The following STAB2 variants were observed in gnomAD, a reference collection of about 807,000 sequenced individuals.
The protein encoded by STAB2 is stabilin 2.
STAB2 carries 288 observed loss-of-function variants against 338.1 expected under a neutral mutation model. The observed-to-expected ratio is 0.85, with a 90% CI of 0.77 to 0.94. The LOEUF (loss-of-function observed/expected upper bound fraction) is 0.94. Ranked by LOEUF, STAB2 falls within the 40% of genes least tolerant of loss-of-function variation. The probability of loss-of-function intolerance (pLI) is 0.00; values close to 1 mark genes in which losing one functional copy is unlikely to be tolerated. For missense variants in STAB2, 3,141 were observed against 3,210.1 expected (o/e 0.98, Z 0.52); for synonymous variants, 1,202 against 1,193.3 (o/e 1.01, Z -0.15).
Position 103,748,951 on chromosome 12 carries a change from C to T in STAB2, c.6245-12C>T. On this transcript the variant is annotated splice_polypyrimidine_tract_variant and intron_variant, in intron 58 of 68. Coordinates refer to ENST00000388887, the MANE Select transcript of STAB2 (RefSeq NM_017564.10). Reference sequence around the variant, plus strand: ...GGTGGTAAGTTGAGCCCTCTCTCCTCTGCTCTTGCAGTTGTGGATTTCTGC... The same window carrying T: ...GGTGGTAAGTTGAGCCCTCTCTCCTTTGCTCTTGCAGTTGTGGATTTCTGC... 2.5e-6 allele frequency: 4 copies of T among 1,609,776 alleles called. No homozygotes were observed. The highest frequency in any genetic ancestry group is 3.4e-6 in the Non-Finnish European group (4 of 1,177,350).
In STAB2 at chr12:103,735,831, CTTCCAGTTGA is replaced by C. The variant is rs562467869; in HGVS notation, c.5550+254_5550+263del. Among the ~76,000 whole-genome samples, 8 of 152,328 alleles carry C rather than the reference CTTCCAGTTGA, an allele frequency of 5.3e-5. No homozygotes were observed. The South Asian group carries it at 1.7e-3, about 32-fold the overall frequency. On this transcript the variant is annotated intron_variant, in intron 52 of 68. Transcript: ENST00000388887. ...AAGCCTCTTACACTGTGGAGAGCAG[CTTCCAGTTGA>C]TTTCATTTTTTGTGTAGAGCATTTT... is the stretch of plus-strand genomic sequence containing the variant.
chr12:103,761,173 C>A, intron 65 of STAB2, 127 bp from the exon 66 acceptor site: 1 of 762,664 alleles, frequency 1.3e-6, no homozygotes, highest in Non-Finnish European at 2.2e-6. Flanking sequence ...AAGTCCTGGG[C>A]TGCCTATCAG....
intron 53 of STAB2, 126 bp downstream of exon 53, chr12:103,737,906 C>A: frequency 1.6e-6 from 2 of 1,236,292 alleles, no homozygotes; most frequent in Non-Finnish European, 2.2e-6. Flanking sequence ...ACCCAGAAGA[C>A]CTGAGGGCCA....
chr12:103,735,719 C>T (rs1882065751), intron 52 of STAB2, 139 bp downstream of exon 52: 2 of 696,714 alleles, frequency 2.9e-6, no homozygotes, highest in African/African-American at 1.8e-5. Context: ...TCACTACCTT[C>T]AGAGGTATTT....
Position 103,637,869 on chromosome 12 carries a change from T to C in STAB2, c.710-147T>C, listed in dbSNP as rs1268232802. The C allele has an allele frequency of 3.7e-6, 3 of 814,242 alleles. No individual in the cohort carries two copies. The African/African-American group carries it at 5.2e-5, about 14-fold the overall frequency. The allele number at this position is 814,242 out of a possible 1,614,324, so 50.4% of individuals were successfully genotyped here. A position where few individuals can be genotyped will look rare whatever the true frequency, so the allele number is the denominator to read the frequency against. ...TTTCTGATGGCCATACATAAATCTG[T>C]CTGGTTCAGGGGGAAATGAAAGGAA... On this transcript the variant is annotated intron_variant, in intron 7 of 68. Coordinates refer to ENST00000388887, the MANE Select transcript of STAB2 (RefSeq NM_017564.10).
chr12:103,737,576 C>CTG, intron 52 of STAB2, 58 bp from the exon 53 acceptor site: 27 of 469,600 alleles, frequency 5.7e-5, no homozygotes, highest in South Asian at 2.2e-4. Flanking sequence ...TTGACTGTTT[C>CTG]TCTCTCTCTC....
At position 103,673,895 on chromosome 12, in the gene STAB2, CTCCTCTT is replaced by C; in HGVS notation, c.2372-9_2372-3del. 1 of 1,605,880 alleles carries C rather than the reference CTCCTCTT, an allele frequency of 6.2e-7. No individual in the cohort carries two copies. Among genetic ancestry groups the C allele is most frequent in the Admixed American group, 1.7e-5 (1 of 59,864 alleles). On this transcript the variant is annotated splice_region_variant and splice_polypyrimidine_tract_variant and intron_variant, in intron 22 of 68. Transcript: ENST00000388887. ...AAGGCCTGGACGGATGTCCCTCCTC[CTCCTCTT>C]TCAGAATGCCTGTGCGTTCACGGAA... is the stretch of plus-strand genomic sequence containing the variant.
At chr12:103,635,203 AGCAAAGGGCAG>A (rs1957524739) in intron 6 of STAB2, among the ~76,000 whole-genome samples, 2 of 152,316 alleles carry the variant, frequency 1.3e-5, no homozygotes, top group Non-Finnish European at 2.9e-5. Context: ...CTCCCTCAGG[AGCAAAGGGCAG>A]GCATGCTCAC....
At chr12:103,745,475 T>A (rs763262661) in intron 57 of STAB2, among the ~76,000 whole-genome samples, 198 bp downstream of exon 57, 11 of 152,200 alleles carry the variant, frequency 7.2e-5, no homozygotes, top group Non-Finnish European at 1.3e-4. Flanking sequence ...TGAAAAGATT[T>A]AACTCAAACC....
intron 5 of STAB2, among the ~76,000 whole-genome samples, chr12:103,625,489 T>G (rs1221676410): frequency 6.6e-6 from 1 of 152,172 alleles, no homozygotes; most frequent in Non-Finnish European, 1.5e-5. Context: ...TAGGTATATC[T>G]CCTAAAGCTA....
intron 1 of STAB2, 134 bp from the exon 2 acceptor site, chr12:103,590,763 A>G: frequency 9.5e-7 from 1 of 1,050,628 alleles, no homozygotes; most frequent in Admixed American, 2.2e-5. Context: ...GTCATTACCA[A>G]TCAACCTTAT....
intron 3 of STAB2, among the ~76,000 whole-genome samples, chr12:103,608,645 A>G (rs1294247440): frequency 6.6e-6 from 1 of 152,034 alleles, no homozygotes; most frequent in Non-Finnish European, 1.5e-5. Flanking sequence ...TTGCCTATTC[A>G]CTCTGACGGT....
chr12:103,654,310 T>C lies in STAB2; in HGVS notation c.1408-245T>C, dbSNP rs78021799. ...TGCTGGAGAAGAGCTTGATAATACC[T>C]TGCCCAGGTTTAGCATATATAGTTG... On this transcript the variant is annotated intron_variant, in intron 12 of 68. Transcript: ENST00000388887. Among the ~76,000 whole-genome samples the C allele has an allele frequency of 7.8e-3, 1,189 of 152,368 alleles. 18 individuals carry two copies. The highest frequency in any genetic ancestry group is 0.027 in the African/African-American group (1,116 of 41,580).
chr12:103,730,283 A>T (rs4981042), intron 49 of STAB2, 27 bp downstream of exon 49: 2 of 1,612,206 alleles, frequency 1.2e-6, no homozygotes, highest in Non-Finnish European at 1.7e-6. Context: ...TTATGTTTTC[A>T]GCCTGGAGTG....
At chr12:103,641,673 T>C (rs1243489070) in intron 9 of STAB2, among the ~76,000 whole-genome samples, 1 of 152,244 alleles carries the variant, frequency 6.6e-6, no homozygotes, top group Admixed American at 6.5e-5. Flanking sequence ...TTAAGCGAAC[T>C]CTTTCCTTGT....
chr12:103,760,260 G>A (rs1047472911), intron 65 of STAB2, among the ~76,000 whole-genome samples: 3 of 152,082 alleles, frequency 2.0e-5, no homozygotes, highest in African/African-American at 7.2e-5. Flanking sequence ...TGTGTGGGGG[G>A]TGGTTTTTTG....
At chr12:103,693,924 G>A (rs895204578) in intron 31 of STAB2, among the ~76,000 whole-genome samples, 3 of 151,964 alleles carry the variant, frequency 2.0e-5, no homozygotes, top group African/African-American at 7.2e-5. Flanking sequence ...AGGCCGAGGC[G>A]GGCGGATCAC....
intron 55 of STAB2, among the ~76,000 whole-genome samples, chr12:103,741,873 A>G (rs1218827417): frequency 6.6e-6 from 1 of 152,214 alleles, no homozygotes; most frequent in Non-Finnish European, 1.5e-5. Flanking sequence ...TACTCCATTC[A>G]TCATAATCTC....
intron 25 of STAB2, among the ~76,000 whole-genome samples, chr12:103,680,348 G>A (rs1221327512): frequency 2.0e-5 from 3 of 152,156 alleles, no homozygotes; most frequent in Non-Finnish European, 4.4e-5. Context: ...AAAGAAAAGA[G>A]AATGTTTTGG....
Sources: gnomAD v4.1 joint callset for allele counts (sites outside exome capture counted in the v4.1 genomes callset) on GRCh38, gnomAD v4.1.1 for gene constraint, MANE v1.5 for transcripts, NCBI Gene and HGNC (gene_info 2026-07-23, HGNC 2026-07-21) for gene names.